Variants in MIAT observed in about 807,000 individuals in gnomAD.
MIAT encodes MI related novel mRNA.
At chr22:26,660,645 T>C (rs1930631772) in intron 2 of MIAT, 1 of 152,230 alleles carries the variant, frequency 6.6e-6, no homozygotes, top group South Asian at 2.1e-4. Flanking sequence ...TTCCCTATTG[T>C]TGGTCCTGCT....
intron 2 of MIAT, among the ~76,000 whole-genome samples, chr22:26,652,797 A>G (rs1486497654): frequency 1.3e-5 from 2 of 152,032 alleles, no homozygotes; most frequent in Middle Eastern, 3.2e-3. Context: ...CCTTTCCTTG[A>G]TATGTTGTCA....
At chr22:26,650,906 G>A (rs1184828702) in intron 2 of MIAT, among the ~76,000 whole-genome samples, 1 of 152,182 alleles carries the variant, frequency 6.6e-6, no homozygotes, top group East Asian at 1.9e-4. Context: ...CCTCGGATAA[G>A]TCACTTTCCC....
At chr22:26,657,163 C>G (rs903364296) in intron 2 of MIAT, 4 of 212,836 alleles carry the variant, frequency 1.9e-5, no homozygotes, top group Non-Finnish European at 3.7e-5. Flanking sequence ...GCGCGCAGCC[C>G]CCGCGCCTCT....
chr22:26,663,958 C>CTTT (rs33976934), intron 3 of MIAT, among the ~76,000 whole-genome samples: 12 of 132,098 alleles, frequency 9.1e-5, no homozygotes, highest in East Asian at 4.5e-4. Flanking sequence ...AGATTGGATT[C>CTTT]TTTTTTTTTT....
intron 2 of MIAT, among the ~76,000 whole-genome samples, chr22:26,648,028 A>T (rs1930267968): frequency 6.6e-6 from 1 of 152,166 alleles, no homozygotes; most frequent in South Asian, 2.1e-4. Flanking sequence ...CCATACAGGA[A>T]AAAAGATGAG....
chr22:26,653,404 C>A (rs537042168), intron 2 of MIAT, among the ~76,000 whole-genome samples: 2 of 152,206 alleles, frequency 1.3e-5, no homozygotes, highest in South Asian at 4.1e-4. Context: ...CCTTTTGCTC[C>A]CCTCCGCCAC....
downstream of MIAT, chr22:26,672,935 G>C (rs1263837257): frequency 2.5e-6 from 1 of 398,516 alleles, no homozygotes; most frequent in Non-Finnish European, 4.4e-6. Context: ...CAGGAAGTCA[G>C]CTAGAGAGCC....
At chr22:26,654,440 G>A (rs1211842298) in intron 2 of MIAT, among the ~76,000 whole-genome samples, 2 of 152,168 alleles carry the variant, frequency 1.3e-5, no homozygotes, top group African/African-American at 4.8e-5. Context: ...GGTGGCTTGG[G>A]AATACTTAAG....
intron 3 of MIAT, among the ~76,000 whole-genome samples, chr22:26,664,994 T>C (rs1327347494): frequency 1.3e-5 from 2 of 152,292 alleles, no homozygotes; most frequent in Non-Finnish European, 1.5e-5. Context: ...CCCAGCACTT[T>C]GGAAGGCTGA....
At chr22:26,670,088 A>C, downstream of MIAT, 1 of 391,698 alleles carries the variant, frequency 2.6e-6, no homozygotes, top group South Asian at 1.3e-4. Flanking sequence ...CTGGACTTTA[A>C]AACTCAGCAT....
chr22:26,675,693 G>A (rs557270062), exon 5 of MIAT: 83 of 398,696 alleles, frequency 2.1e-4, no homozygotes, highest in East Asian at 1.7e-3. Flanking sequence ...GTGGTGGGAA[G>A]TCCCTGGAGA....
At chr22:26,674,113 G>A (rs1348358625), downstream of MIAT, 2 of 398,482 alleles carry the variant, frequency 5.0e-6, no homozygotes, top group Non-Finnish European at 4.4e-6. Flanking sequence ...GAAGTTCTAG[G>A]ACATAAAGCT....
downstream of MIAT, chr22:26,673,389 GCC>G (rs1233956026): frequency 4.3e-5 from 17 of 398,936 alleles, no homozygotes; most frequent in Non-Finnish European, 6.6e-5. Flanking sequence ...GCTAATCCCT[GCC>G]TCACCCTGAC....
chr22:26,671,618 A>G (rs1602373156), downstream of MIAT: 9 of 398,738 alleles, frequency 2.3e-5, no homozygotes, highest in East Asian at 7.1e-5. Flanking sequence ...GGCTCTGCCT[A>G]TGGGCTGGGA....
chr22:26,675,728 G>A, exon 5 of MIAT: 2 of 398,674 alleles, frequency 5.0e-6, no homozygotes, highest in East Asian at 3.6e-5. Context: ...ACAGTCATAG[G>A]CTGCAAGTCT....
chr22:26,661,703 T>G lies in MIAT; in HGVS notation n.647-1613T>G, dbSNP rs75103686. On this transcript the variant is annotated intron_variant and non_coding_transcript_variant, in intron 2 of 5. Transcript: ENST00000643270. Reference sequence around the variant, plus strand: ...TGACTCTGAAACATGTGTTTGTAACTACTACACTATGCCACTCTCCTAAAA... The same window carrying G: ...TGACTCTGAAACATGTGTTTGTAACGACTACACTATGCCACTCTCCTAAAA... Among the ~76,000 whole-genome samples, 233 of 151,976 alleles carry G rather than the reference T, an allele frequency of 1.5e-3. 2 individuals carry two copies. The highest frequency in any genetic ancestry group is 5.6e-3 in the African/African-American group (231 of 41,470).
chr22:26,657,117 C>T (rs1419303533), intron 2 of MIAT: 1 of 179,318 alleles, frequency 5.6e-6, no homozygotes, highest in East Asian at 1.5e-4. Context: ...TCCTCTTACT[C>T]CGGGGTTCAG....
At chr22:26,647,107 G>A (rs2030825332) in intron 1 of MIAT, 3 of 398,344 alleles carry the variant, frequency 7.5e-6, no homozygotes, top group Non-Finnish European at 1.3e-5. Context: ...CGTCAGCATG[G>A]CTGTATTGAA....
chr22:26,649,741 C>T (rs1017071954), intron 2 of MIAT, among the ~76,000 whole-genome samples: 1 of 152,170 alleles, frequency 6.6e-6, no homozygotes, highest in African/African-American at 2.4e-5. Flanking sequence ...GGTGAAACCC[C>T]GTCTCTACTA....
Sources: allele counts gnomAD v4.1 joint callset (sites outside exome capture counted in the v4.1 genomes callset), GRCh38; gene constraint gnomAD v4.1.1; transcripts MANE v1.5; gene names NCBI Gene and HGNC (gene_info 2026-07-23, HGNC 2026-07-21).